Variants in CDH18 observed in about 807,000 individuals in gnomAD.
CDH18 encodes the protein cadherin 18.
CDH18 carries 31 observed loss-of-function variants against 67.9 expected under a neutral mutation model. The ratio of observed to expected loss-of-function variants is 0.46; its 90% CI spans 0.34 to 0.62. The LOEUF (loss-of-function observed/expected upper bound fraction) is 0.62, where lower values mean the gene tolerates loss of function less well. Ranked by LOEUF, CDH18 falls within the 20% of genes least tolerant of loss-of-function variation. The probability of loss-of-function intolerance (pLI) is 0.01; values close to 1 mark genes in which losing one functional copy is unlikely to be tolerated. For missense variants in CDH18, 890 were observed against 975.5 expected, an observed-to-expected ratio of 0.91 and a Z score of 1.17; for synonymous variants, 362 against 347.2, an observed-to-expected ratio of 1.04 and a Z score of -0.48.
chr5:20,095,565 A>AAAGAAAGG (rs1425530224), intron 2 of CDH18, among the ~76,000 whole-genome samples: 1 of 10,568 alleles, frequency 9.5e-5, no homozygotes, highest in African/African-American at 2.7e-4. Flanking sequence ...GAAAGAAAGG[A>AAAGAAAGG]AAGAAAGGAA....
chr5:20,554,309 CA>C (rs1757790007), intron 1 of CDH18, among the ~76,000 whole-genome samples: 1 of 152,164 alleles, frequency 6.6e-6, no homozygotes, highest in Non-Finnish European at 1.5e-5. Context: ...CTTCAGCATA[CA>C]AACATGTTCA....
intron 1 of CDH18, among the ~76,000 whole-genome samples, chr5:20,349,493 GTGTT>G (rs1740985409): frequency 6.6e-6 from 1 of 152,118 alleles, no homozygotes; most frequent in Non-Finnish European, 1.5e-5. Context: ...ATGAAAGAAA[GTGTT>G]TGATCCAGCA....
chr5:19,896,598 A>G (rs1372851580), intron 2 of CDH18, among the ~76,000 whole-genome samples: 1 of 152,132 alleles, frequency 6.6e-6, no homozygotes, highest in Admixed American at 6.6e-5. Context: ...AACACCTTGA[A>G]TTTGGTTTAG....
intron 5 of CDH18, among the ~76,000 whole-genome samples, chr5:19,698,324 C>T (rs115756003): frequency 0.012 from 1,778 of 152,058 alleles, 34 homozygotes; most frequent in African/African-American, 0.041. Flanking sequence ...CAAAGGCTTG[C>T]TATTGTTTTG....
At chr5:19,960,710 T>C (rs1261239128) in intron 2 of CDH18, among the ~76,000 whole-genome samples, 3 of 124,750 alleles carry the variant, frequency 2.4e-5, no homozygotes, top group Admixed American at 7.4e-5. Flanking sequence ...TATGTATATA[T>C]GTATACACGT....
intron 5 of CDH18, among the ~76,000 whole-genome samples, chr5:19,720,669 CATATG>C (rs1268953843): frequency 1.3e-4 from 19 of 151,962 alleles, no homozygotes; most frequent in African/African-American, 4.1e-4. Flanking sequence ...GATATAATGT[CATATG>C]ATATGATTGA....
intron 2 of CDH18, among the ~76,000 whole-genome samples, chr5:20,206,987 C>A (rs913335459): frequency 6.6e-6 from 1 of 151,646 alleles, no homozygotes; most frequent in African/African-American, 2.4e-5. Flanking sequence ...CTGGAATTCC[C>A]AGCTAGAACA....
chr5:19,569,694 T>C (rs1271888015), intron 8 of CDH18, among the ~76,000 whole-genome samples: 1 of 152,172 alleles, frequency 6.6e-6, no homozygotes, highest in Non-Finnish European at 1.5e-5. Flanking sequence ...TATCAAACAC[T>C]AGGTTCTATT....
chr5:19,651,844 A>G (rs1315664998), intron 5 of CDH18, among the ~76,000 whole-genome samples: 1 of 152,040 alleles, frequency 6.6e-6, no homozygotes, highest in Non-Finnish European at 1.5e-5. Flanking sequence ...AATAGGGTTC[A>G]CTCTCAGTCT....
chr5:19,599,465 T>C (rs2150059260), intron 6 of CDH18, among the ~76,000 whole-genome samples: 1 of 152,312 alleles, frequency 6.6e-6, no homozygotes, highest in Admixed American at 6.5e-5. Flanking sequence ...ATATTCATAT[T>C]TATTATGCTG....
At chr5:19,893,642 A>G (rs1315165946) in intron 2 of CDH18, among the ~76,000 whole-genome samples, 2 of 114,008 alleles carry the variant, frequency 1.8e-5, no homozygotes, top group Admixed American at 1.8e-4. Context: ...TTCAGGGGGA[A>G]TATTAGGGAG....
At chr5:20,048,898 C>G (rs1271657932) in intron 2 of CDH18, among the ~76,000 whole-genome samples, 1 of 151,652 alleles carries the variant, frequency 6.6e-6, no homozygotes, top group South Asian at 2.1e-4. Flanking sequence ...AATAAGGCAA[C>G]ATTTCACATC....
At chr5:20,220,869 G>A (rs1284958488) in intron 2 of CDH18, among the ~76,000 whole-genome samples, 20 of 152,000 alleles carry the variant, frequency 1.3e-4, no homozygotes, top group Non-Finnish European at 2.9e-4. Context: ...TATATGAAAT[G>A]TGCTCAATAT....
At chr5:20,477,813 A>G (rs1752542534) in intron 1 of CDH18, among the ~76,000 whole-genome samples, 1 of 152,160 alleles carries the variant, frequency 6.6e-6, no homozygotes, top group Non-Finnish European at 1.5e-5. Context: ...CACCAGTCTC[A>G]GGCAGCACAG....
chr5:19,969,156 A>C (rs1326622387), intron 2 of CDH18, among the ~76,000 whole-genome samples: 1 of 148,464 alleles, frequency 6.7e-6, no homozygotes, highest in East Asian at 1.9e-4. Flanking sequence ...ACCATCTCAC[A>C]CCAGTTAGAA....
chr5:19,608,268 C>A (rs1024529752), intron 6 of CDH18, among the ~76,000 whole-genome samples: 4 of 151,490 alleles, frequency 2.6e-5, no homozygotes, highest in African/African-American at 9.7e-5. Context: ...ATGCTCAAAA[C>A]GTTTCAAAAT....
chr5:19,797,205 C>T (rs1029653447), intron 3 of CDH18, among the ~76,000 whole-genome samples: 2 of 151,632 alleles, frequency 1.3e-5, no homozygotes, highest in African/African-American at 4.8e-5. Context: ...AATACTATAC[C>T]ATGTAAATTT....
At chr5:19,963,642 T>C (rs936074288) in intron 2 of CDH18, among the ~76,000 whole-genome samples, 2 of 152,148 alleles carry the variant, frequency 1.3e-5, no homozygotes, top group African/African-American at 4.8e-5. Context: ...ACCATGATTA[T>C]AAGTTTCCTG....
At chr5:19,775,210 C>T (rs539996686) in intron 3 of CDH18, among the ~76,000 whole-genome samples, 42 of 152,252 alleles carry the variant, frequency 2.8e-4, no homozygotes, top group African/African-American at 9.4e-4. Context: ...GGAATATTTA[C>T]GCTACTAGCT....
Sources: allele counts gnomAD v4.1 joint callset (sites outside exome capture counted in the v4.1 genomes callset), GRCh38; gene constraint gnomAD v4.1.1; transcripts MANE v1.5; gene names NCBI Gene and HGNC (gene_info 2026-07-23, HGNC 2026-07-21).